The following ZFAND6 variants were observed in gnomAD, a reference collection of about 807,000 sequenced individuals.
ZFAND6 encodes zinc finger AN1-type containing 6.
In ZFAND6, 12 loss-of-function variants were observed where a neutral mutation model predicts 24.5. That is an observed-to-expected ratio of 0.49 (90% CI 0.31 to 0.79). The LOEUF (loss-of-function observed/expected upper bound fraction) is 0.79, where lower values mean the gene tolerates loss of function less well. ZFAND6 is among the 30% of genes least tolerant of loss of function. The probability of loss-of-function intolerance (pLI) is 0.04; values close to 1 mark genes in which losing one functional copy is unlikely to be tolerated. For synonymous variants in ZFAND6, 92 were observed against 81.5 expected, an observed-to-expected ratio of 1.13 and a Z score of -0.69; for missense variants, 207 against 245.9, an observed-to-expected ratio of 0.84 and a Z score of 1.06.
intron 1 of ZFAND6, among the ~76,000 whole-genome samples, chr15:80,063,558 A>AT (rs34010352): frequency 0.12 from 16,195 of 139,578 alleles, 1,373 homozygotes; most frequent in East Asian, 0.41. Context: ...CGCCCAGCTA[A>AT]TTTTTTTTTT....
At chr15:80,060,807 A>T (rs1303898313) in intron 1 of ZFAND6, 1 of 152,336 alleles carries the variant, frequency 6.6e-6, no homozygotes, top group Non-Finnish European at 1.5e-5. Flanking sequence ...CGGTAGTCCC[A>T]GCTACTGGGA....
At position 80,069,562 on chromosome 15, in the gene ZFAND6, C is replaced by T. The variant is rs565031808; in HGVS notation, c.-181+9753C>T. ...TCCCTAAGGAGTCAGGAGAGATACA[C>T]CAGGAATTGCAGGCTCAAATATATC... On this transcript the variant is annotated intron_variant, in intron 1 of 6. Transcript: ENST00000261749. Among the ~76,000 whole-genome samples the T allele has an allele frequency of 1.5e-4, 23 of 152,216 alleles. No individual in the cohort carries two copies. In the South Asian group the frequency reaches 3.9e-3, roughly 26 times the overall value.
In ZFAND6 at chr15:80,131,291, C is replaced by T. The variant is rs1396069846; in HGVS notation, c.476C>T (p.Thr159Ile). The T allele has an allele frequency of 3.1e-6, 5 of 1,611,862 alleles. No individual in the cohort carries two copies. The highest frequency in any genetic ancestry group is 4.2e-6 in the Non-Finnish European group (5 of 1,178,310). Residue 159 changes from threonine (T) to isoleucine (I), a missense_variant and splice_region_variant, in exon 6 of 7, where the codon ACT becomes ATT. Coordinates refer to ENST00000261749, the MANE Select transcript of ZFAND6 (RefSeq NM_019006.4). ...ATGTGCAGGAAGAAAGTGGGACTTA[C>T]TGGTAAGGACCTAAATCAAATGTTT... ...CFMCRKKVGL[T>I]GFECRCGNVY...
intron 1 of ZFAND6, among the ~76,000 whole-genome samples, chr15:80,098,085 T>G (rs1027223342): frequency 7.2e-5 from 11 of 152,192 alleles, no homozygotes; most frequent in African/African-American, 2.4e-4. Context: ...AAAGTGTTCT[T>G]TAGTTGGTAG....
intron 2 of ZFAND6, among the ~76,000 whole-genome samples, chr15:80,100,956 G>T (rs563169734): frequency 1.3e-5 from 2 of 152,186 alleles, no homozygotes; most frequent in East Asian, 3.9e-4. Context: ...CTACCTGGTG[G>T]GATATTGTGA....
intron 2 of ZFAND6, among the ~76,000 whole-genome samples, chr15:80,099,834 C>A (rs922537973): frequency 6.6e-6 from 1 of 152,116 alleles, no homozygotes; most frequent in Non-Finnish European, 1.5e-5. Context: ...CCAGTCTGGT[C>A]TCAAACTCCT....
intron 1 of ZFAND6, among the ~76,000 whole-genome samples, chr15:80,083,943 C>G (rs2037836884): frequency 6.6e-6 from 1 of 152,136 alleles, no homozygotes; most frequent in South Asian, 2.1e-4. Context: ...ATGAGCTAAA[C>G]CTATTCTCTT....
chr15:80,099,902 C>A (rs1289847596), intron 2 of ZFAND6, among the ~76,000 whole-genome samples: 1 of 152,148 alleles, frequency 6.6e-6, no homozygotes, highest in East Asian at 1.9e-4. Context: ...CCAGCGTGAG[C>A]CACCTTGCGC....
At chr15:80,061,683 T>TG (rs2036342312) in intron 1 of ZFAND6, among the ~76,000 whole-genome samples, 2 of 152,230 alleles carry the variant, frequency 1.3e-5, no homozygotes, top group Non-Finnish European at 2.9e-5. Context: ...TGCCATAACT[T>TG]ATGGGCACTT....
intron 1 of ZFAND6, among the ~76,000 whole-genome samples, chr15:80,083,410 A>G (rs1280500450): frequency 6.6e-6 from 1 of 152,250 alleles, no homozygotes; most frequent in Non-Finnish European, 1.5e-5. Flanking sequence ...AACTTATGAT[A>G]TGTTGGGGAA....
chr15:80,089,117 A>T (rs555981074), intron 1 of ZFAND6, among the ~76,000 whole-genome samples: 1 of 151,948 alleles, frequency 6.6e-6, no homozygotes, highest in Non-Finnish European at 1.5e-5. Context: ...TTCCTGAAAG[A>T]CCTACTCATA....
intron 1 of ZFAND6, among the ~76,000 whole-genome samples, chr15:80,064,567 A>G (rs2036507917): frequency 6.6e-6 from 1 of 151,270 alleles, no homozygotes; most frequent in African/African-American, 2.4e-5. Flanking sequence ...ATATACTGCA[A>G]ATATACATAT....
intron 2 of ZFAND6, among the ~76,000 whole-genome samples, chr15:80,118,060 A>G (rs1353726858): frequency 6.6e-6 from 1 of 151,762 alleles, no homozygotes; most frequent in Non-Finnish European, 1.5e-5. Context: ...ACATATATGT[A>G]TACATATGTA....
At chr15:80,091,160 G>GTGTGTGT (rs1555430411) in intron 1 of ZFAND6, among the ~76,000 whole-genome samples, 216 of 150,274 alleles carry the variant, frequency 1.4e-3, no homozygotes, top group African/African-American at 4.9e-3. Context: ...GTTGTTAAGG[G>GTGTGTGT]GTGTGTGTGT....
chr15:80,082,362 T>G (rs996305821), intron 1 of ZFAND6, among the ~76,000 whole-genome samples: 5 of 152,314 alleles, frequency 3.3e-5, no homozygotes, highest in Admixed American at 2.0e-4. Context: ...TATAGAGAGA[T>G]AGGAAAAATT....
At chr15:80,070,773 A>G (rs2036931915) in intron 1 of ZFAND6, among the ~76,000 whole-genome samples, 1 of 152,164 alleles carries the variant, frequency 6.6e-6, no homozygotes, top group South Asian at 2.1e-4. Context: ...TATGCTTGCC[A>G]GATTTTAAGA....
chr15:80,128,540 C>G (rs978949513), intron 5 of ZFAND6, among the ~76,000 whole-genome samples: 35 of 152,164 alleles, frequency 2.3e-4, no homozygotes, highest in Admixed American at 6.5e-5. Context: ...CACATAAAAA[C>G]TGAGGAAACA....
chr15:80,127,114 TAA>T (rs1381068113), intron 5 of ZFAND6, among the ~76,000 whole-genome samples: 4 of 151,356 alleles, frequency 2.6e-5, no homozygotes, highest in South Asian at 2.1e-4. Flanking sequence ...TCTCAAAAAA[TAA>T]AAGAGTGGAA....
intron 1 of ZFAND6, among the ~76,000 whole-genome samples, chr15:80,091,448 C>G (rs962814104): frequency 6.6e-6 from 1 of 150,866 alleles, no homozygotes; most frequent in Non-Finnish European, 1.5e-5. Flanking sequence ...TAACCAGGAC[C>G]TTTCGTTCAT....
Sources: allele counts gnomAD v4.1 joint callset (sites outside exome capture counted in the v4.1 genomes callset), GRCh38; gene constraint gnomAD v4.1.1; transcripts MANE v1.5; gene names NCBI Gene and HGNC (gene_info 2026-07-23, HGNC 2026-07-21).